ERCC2: variants seen among roughly 807,000 people sequenced by gnomAD.
ERCC2 encodes the protein ERCC excision repair 2, TFIIH core complex helicase subunit, also known as general transcription and DNA repair factor IIH helicase subunit XPD.
ERCC2 carries 90 observed loss-of-function variants against 99.4 expected under a neutral mutation model. The observed-to-expected ratio is 0.91, with a 90% CI of 0.76 to 1.08. The LOEUF (loss-of-function observed/expected upper bound fraction) is 1.08. Ranked by LOEUF, ERCC2 falls within the 50% of genes least tolerant of loss-of-function variation. The pLI is 0.00. For synonymous variants in ERCC2, 497 were observed against 432.4 expected (o/e 1.15, Z -1.85); for missense variants, 993 against 1,038.1 (o/e 0.96, Z 0.60).
At chr19:45,352,059 G>A (rs1317791303) in intron 22 of ERCC2, 150 bp downstream of exon 22, 3 of 960,610 alleles carry the variant, frequency 3.1e-6, no homozygotes, top group Non-Finnish European at 4.7e-6. Flanking sequence ...CTTCCCCCCA[G>A]AGCCTGGCAC....
At chr19:45,364,705 G>C (rs1186006820) in intron 7 of ERCC2, 133 bp downstream of exon 7, 3 of 1,274,548 alleles carry the variant, frequency 2.4e-6, no homozygotes, top group Non-Finnish European at 3.4e-6. Flanking sequence ...CAACAGATAC[G>C]GGCACCCACC....
At position 45,365,084 on chromosome 19, in the gene ERCC2, C is replaced by T. The variant is rs768323294; in HGVS notation, c.435G>A (p.Gln145=). Residue 145 remains glutamine, a synonymous_variant, in exon 6 of 23, where the codon CAG becomes CAA. Transcript: ENST00000391945. ...HSLTASYVRA[Q]YQHDTSLPHC... is the part of the protein sequence containing the mutation. ...GGGGCAGGCTGGTGTCATGCTGGTA[C>T]TGCGCCCGCACATAGGAGGCTGTGA... 1.4e-5 allele frequency: 23 copies of T among 1,614,078 alleles called. No homozygotes were observed. In the African/African-American group the frequency reaches 1.9e-4, roughly 13 times the overall value.
chr19:45,352,131 A>T lies in ERCC2; in HGVS notation c.2190+78T>A. On this transcript the variant is annotated intron_variant, in intron 22 of 22. Coordinates refer to ENST00000391945, the MANE Select transcript of ERCC2 (RefSeq NM_000400.4). Reference sequence around the variant, plus strand: ...GAGGACAGGCAGGCTGAGGGTGGGGAGTGGGGAGAATCCAAGGGGACTTTC... The same window carrying T: ...GAGGACAGGCAGGCTGAGGGTGGGGTGTGGGGAGAATCCAAGGGGACTTTC... 6 of 1,484,834 alleles carry T rather than the reference A, an allele frequency of 4.0e-6. No homozygotes were observed. The South Asian group carries it at 7.0e-5, about 17-fold the overall frequency. 92.0% of individuals were successfully genotyped at this position (1,484,834 alleles called of 1,614,324 possible). A position where few individuals can be genotyped will look rare whatever the true frequency, so the allele number is the denominator to read the frequency against.
chr19:45,358,942 G>A (rs761035898), intron 12 of ERCC2: 2 of 766,298 alleles, frequency 2.6e-6, no homozygotes, highest in Non-Finnish European at 4.9e-6. Flanking sequence ...ATGAATGAAT[G>A]AATTTACATA....
At position 45,369,160 on chromosome 19, in the gene ERCC2, G is replaced by A. The variant is rs768490102; in HGVS notation, c.106-13C>T. The A allele has an allele frequency of 6.2e-7, 1 of 1,611,622 alleles. No individual in the cohort carries two copies. Among genetic ancestry groups the A allele is most frequent in the East Asian group, 2.2e-5 (1 of 44,878 alleles). ...GGACTCCATGACCCTGCATGTTGGG[G>A]ACCAGAGGGGCAACACACAGGGTCT... On this transcript the variant is annotated splice_polypyrimidine_tract_variant and intron_variant, in intron 2 of 22. Transcript: ENST00000391945.
At position 45,370,201 on chromosome 19, in the gene ERCC2, G is replaced by A; in HGVS notation, c.37C>T (p.Pro13Ser). 2.5e-6 allele frequency: 4 copies of A among 1,613,526 alleles called. No homozygotes were observed. The highest frequency in any genetic ancestry group is 3.4e-6 in the Non-Finnish European group (4 of 1,179,522). The change falls in exon 2 of 23, where the codon CCG becomes TCG. Residue 13 changes from proline (P) to serine (S), a missense_variant. Around this residue, in one of 3 missense-constraint regions of ERCC2, gnomAD observed 55 missense variants for 45.1 expected, o/e 1.22. Transcript: ENST00000391945. ...TGCTCGGGGTAGATGTAGTCGTACG[G>A]GAAGTAGACCAGGAGCCCGTCCACG... ...LNVDGLLVYF[P>S]YDYIYPEQFS...
At position 45,350,745 on chromosome 19, in the gene ERCC2, C is replaced by T. The variant is rs200512408; in HGVS notation, c.*884G>A. The T allele has an allele frequency of 4.3e-5, 69 of 1,609,618 alleles. No homozygotes were observed. The highest frequency in any genetic ancestry group is 3.5e-4 in the Admixed American group (21 of 59,192). ...GAGGCGAGGCGGCGGCAGGAGCAGC[C>T]GGGTGAGTGTTGATCAGGTCGGCAA... On this transcript the variant is annotated 3_prime_UTR_variant, in exon 23 of 23. Coordinates refer to ENST00000391945, the MANE Select transcript of ERCC2 (RefSeq NM_000400.4).
In ERCC2 at chr19:45,361,579, G is replaced by T. The variant is rs374391544; in HGVS notation, c.1182C>A (p.Phe394Leu). 6.2e-7 allele frequency: 1 copy of T among 1,614,092 alleles called. No individual in the cohort carries two copies. The highest frequency in any genetic ancestry group is 8.5e-7 in the Non-Finnish European group (1 of 1,179,958). ...HTLEITDLAD[F>L]SPLTLLANFA... ...AGTTAGCAAGGAGGGTGAGCGGGGA[G>T]AAGTCAGCAAGGTCGGTGATCTCCA... Residue 394 changes from phenylalanine (F) to leucine (L), a missense_variant, in exon 12 of 23, where the codon TTC becomes TTA. Phe to Leu is a conservative substitution (Grantham distance 22). Coordinates refer to ENST00000391945, the MANE Select transcript of ERCC2 (RefSeq NM_000400.4).
intron 5 of ERCC2, among the ~76,000 whole-genome samples, chr19:45,366,238 G>A (rs1195218101): frequency 6.6e-6 from 1 of 151,272 alleles, no homozygotes; most frequent in Non-Finnish European, 1.5e-5. Flanking sequence ...CGCCTCCCAG[G>A]TTCAAGCGAT....
Position 45,351,642 on chromosome 19 carries a change from G to A in ERCC2, c.2270C>T (p.Ala757Val), listed in dbSNP as rs1291427832. The part of the protein sequence containing the change: ...EETLKRIEQI[A>V]QQL ...CACCCGCCCCACTCAGAGCTGCTGA[G>A]CAATCTGCTCTATCCTCTTCAGCGT... The change falls in exon 23 of 23, where the codon GCT becomes GTT. Residue 757 changes from alanine (A) to valine (V), a missense_variant. Physicochemically the swap from Ala to Val is moderately conservative, Grantham distance 64. Coordinates refer to ENST00000391945, the MANE Select transcript of ERCC2 (RefSeq NM_000400.4). The A allele has an allele frequency of 1.9e-6, 3 of 1,613,940 alleles. No homozygotes were observed. Among genetic ancestry groups the A allele is most frequent in the East Asian group, 2.2e-5 (1 of 44,898 alleles).
intron 1 of ERCC2, 69 bp downstream of exon 1, chr19:45,370,467 C>T: frequency 6.5e-7 from 1 of 1,532,644 alleles, no homozygotes; most frequent in South Asian, 1.2e-5. Flanking sequence ...CCAGGCGCGC[C>T]CACCGATGAC....
At chr19:45,355,271 C>T (rs140442071) in intron 16 of ERCC2, among the ~76,000 whole-genome samples, 63 of 152,318 alleles carry the variant, frequency 4.1e-4, no homozygotes, top group Admixed American at 8.5e-4. Flanking sequence ...GCATGAGAAT[C>T]GCTTGAACCC....
chr19:45,369,167 G>A lies in ERCC2; in HGVS notation c.106-20C>T, dbSNP rs531616441. The A allele has an allele frequency of 2.4e-5, 39 of 1,607,652 alleles. No homozygotes were observed. In the East Asian group the frequency reaches 8.0e-4, roughly 33 times the overall value. ...ATGACCCTGCATGTTGGGGACCAGA[G>A]GGGCAACACACAGGGTCTCAGAACC... On this transcript the variant is annotated intron_variant, in intron 2 of 22. Transcript: ENST00000391945.
intron 12 of ERCC2, chr19:45,358,663 C>A: frequency 1.6e-6 from 1 of 623,818 alleles, no homozygotes; most frequent in Non-Finnish European, 2.9e-6. Flanking sequence ...CAAGGCTGCT[C>A]CATTTGGTCA....
chr19:45,356,559 C>T (rs910990220), intron 15 of ERCC2, among the ~76,000 whole-genome samples: 3 of 152,186 alleles, frequency 2.0e-5, no homozygotes, highest in African/African-American at 7.2e-5. Context: ...CCTGTAATCC[C>T]AGCACTTCGG....
chr19:45,358,707 G>C, intron 12 of ERCC2: 1 of 687,116 alleles, frequency 1.5e-6, no homozygotes, highest in Non-Finnish European at 2.7e-6. Flanking sequence ...CCCTCCGAGA[G>C]GCCCTCCCCA....
intron 12 of ERCC2, among the ~76,000 whole-genome samples, chr19:45,360,796 G>C (rs1417657176): frequency 2.6e-5 from 4 of 152,052 alleles, no homozygotes; most frequent in Admixed American, 2.6e-4. Flanking sequence ...TGGGATTACA[G>C]GCATGAGCCA....
rs1339053675 is a variant in ERCC2 at position 45,352,575 on chromosome 19, GTGGCGCA to G, written c.1970_1976del (p.Met657ThrfsTer50). The G allele has an allele frequency of 6.2e-7, 1 of 1,613,970 alleles. No individual in the cohort carries two copies. The highest frequency in any genetic ancestry group is 8.5e-7 in the Non-Finnish European group (1 of 1,180,044). On this transcript the variant is annotated frameshift_variant, in exon 21 of 23. Transcript: ENST00000391945. LOFTEE classifies it high-confidence loss of function. The stretch of plus-strand genomic sequence containing the variant: ...TGGCCCGACCCACACACTGGGCCGC[GTGGCGCA>G]TGGCATCGAAGGTAAGAAAGTCATT...
rs371608063 is a variant in ERCC2, at chr19:45,370,283, G to A, written c.6-51C>T. ...TTCCCGTCCCCTCAGCCCCTCTCCC[G>A]CCTCCACAGTGCCCGGTCGTCGAGC... is the stretch of plus-strand genomic sequence containing the variant. On this transcript the variant is annotated intron_variant, in intron 1 of 22. Coordinates refer to ENST00000391945, the MANE Select transcript of ERCC2 (RefSeq NM_000400.4). 4 of 1,599,138 alleles carry A rather than the reference G, an allele frequency of 2.5e-6. No individual in the cohort carries two copies. The African/African-American group carries it at 5.4e-5, about 21-fold the overall frequency.
Sources: gnomAD v4.1 joint callset for allele counts (sites outside exome capture counted in the v4.1 genomes callset) on GRCh38, gnomAD v4.1.1 for gene constraint, gnomAD v4.1.1 regional missense constraint, MANE v1.5 for transcripts, NCBI Gene and HGNC (gene_info 2026-07-23, HGNC 2026-07-21) for gene names.